SLC16A10: variants seen among roughly 807,000 people sequenced by gnomAD.
The protein encoded by SLC16A10 is solute carrier family 16 member 10, also known as monocarboxylate transporter 10.
Under a neutral mutation model 40.0 loss-of-function variants are expected in SLC16A10, and 27 were observed. That is an observed-to-expected ratio of 0.67 (90% CI 0.50 to 0.93). The LOEUF (loss-of-function observed/expected upper bound fraction) is 0.93, where lower values mean the gene tolerates loss of function less well. Ranked by LOEUF, SLC16A10 falls within the 40% of genes least tolerant of loss-of-function variation. The pLI is 0.00. For synonymous variants in SLC16A10, 213 were observed against 249.8 expected, an observed-to-expected ratio of 0.85 and a Z score of 1.39; for missense variants, 529 against 658.2, an observed-to-expected ratio of 0.80 and a Z score of 2.15.
chr6:111,144,756 A>T (rs891838894), intron 1 of SLC16A10, among the ~76,000 whole-genome samples: 1 of 152,260 alleles, frequency 6.6e-6, no homozygotes, highest in Non-Finnish European at 1.5e-5. Flanking sequence ...CCATATGTCA[A>T]GATTTCTTGT....
At chr6:111,194,728 T>C (rs1773052663) in intron 3 of SLC16A10, among the ~76,000 whole-genome samples, 1 of 152,224 alleles carries the variant, frequency 6.6e-6, no homozygotes, top group Non-Finnish European at 1.5e-5. Flanking sequence ...TTTTCTTTTA[T>C]ATGCTCCTTA....
At chr6:111,115,512 A>G (rs962448266) in intron 1 of SLC16A10, among the ~76,000 whole-genome samples, 1 of 152,220 alleles carries the variant, frequency 6.6e-6, no homozygotes, top group African/African-American at 2.4e-5. Flanking sequence ...CCCGGCCTGG[A>G]AAAAGTTTTT....
chr6:111,202,185 G>C (rs1773178671), intron 3 of SLC16A10, among the ~76,000 whole-genome samples: 2 of 152,208 alleles, frequency 1.3e-5, no homozygotes, highest in African/African-American at 2.4e-5. Context: ...GTCAGAAACA[G>C]TTACCCACGG....
At chr6:111,113,215 C>A (rs1424538704) in intron 1 of SLC16A10, among the ~76,000 whole-genome samples, 2 of 151,922 alleles carry the variant, frequency 1.3e-5, no homozygotes, top group Non-Finnish European at 1.5e-5. Context: ...TAGAGTATTG[C>A]CATTTTTTTC....
At position 111,132,055 on chromosome 6, in the gene SLC16A10, C is replaced by T. The variant is rs139906418; in HGVS notation, c.344-40640C>T. Among the ~76,000 whole-genome samples, 39 of 152,296 alleles carry T rather than the reference C, an allele frequency of 2.6e-4. No individual in the cohort carries two copies. In the East Asian group the frequency reaches 7.5e-3, roughly 29 times the overall value. ...TATGCTGTGTCCTTAAGCCCCTAGG[C>T]TCTGAACCCAGATAGTCTTGTCCCT... On this transcript the variant is annotated intron_variant, in intron 1 of 5. Transcript: ENST00000368851.
intron 1 of SLC16A10, 67 bp from the exon 2 acceptor site, chr6:111,172,628 C>A: frequency 1.9e-6 from 3 of 1,563,236 alleles, no homozygotes; most frequent in Non-Finnish European, 2.6e-6. Context: ...TGTATTATAT[C>A]AATGGAATAA....
chr6:111,089,213 A>G (rs954818483), intron 1 of SLC16A10, among the ~76,000 whole-genome samples: 1 of 152,176 alleles, frequency 6.6e-6, no homozygotes, highest in Non-Finnish European at 1.5e-5. Context: ...GACAAAGGTA[A>G]TGCTGGGTTA....
chr6:111,187,565 G>A (rs2114560715), intron 3 of SLC16A10, among the ~76,000 whole-genome samples: 1 of 152,290 alleles, frequency 6.6e-6, no homozygotes, highest in South Asian at 2.1e-4. Flanking sequence ...AAAAGTAGCA[G>A]AACTGGGTGT....
chr6:111,229,990 C>CTTTCTTT lies in SLC16A10; in HGVS notation c.*7758_*7759insCTTTTTT, dbSNP rs1554262686. The CTTTCTTT allele has an allele frequency of 2.3e-5, 2 of 85,382 alleles. No individual in the cohort carries two copies. The highest frequency in any genetic ancestry group is 4.0e-5 in the Non-Finnish European group (2 of 49,718). 5.3% of individuals were successfully genotyped at this position (85,382 alleles called of 1,614,324 possible). On this transcript the variant is annotated 3_prime_UTR_variant, in exon 6 of 6. Transcript: ENST00000368851. ...CAGGTTTCTTTTTCTTTCTTTGTTTCTTTTTTTTTTTTTTTTTTGAGATGG... is the reference window on the plus strand; with the variant it reads ...CAGGTTTCTTTTTCTTTCTTTGTTTCTTTCTTTTTTTTTTTTTTTTTTTTTGAGATGG...
intron 1 of SLC16A10, among the ~76,000 whole-genome samples, chr6:111,113,904 C>T (rs561602823): frequency 2.4e-4 from 36 of 152,220 alleles, no homozygotes; most frequent in African/African-American, 3.9e-4. Flanking sequence ...TCAGTGCCTG[C>T]GTGGCTGATA....
At chr6:111,149,687 T>C (rs139600770) in intron 1 of SLC16A10, among the ~76,000 whole-genome samples, 1 of 152,350 alleles carries the variant, frequency 6.6e-6, no homozygotes, top group Admixed American at 6.5e-5. Context: ...CTTTTAGCCA[T>C]TTCTTATGGT....
At chr6:111,211,365 A>G (rs2114587882) in intron 4 of SLC16A10, among the ~76,000 whole-genome samples, 1 of 152,346 alleles carries the variant, frequency 6.6e-6, no homozygotes, top group Non-Finnish European at 1.5e-5. Context: ...TTACAAAAGA[A>G]AATATAGCCT....
intron 1 of SLC16A10, among the ~76,000 whole-genome samples, chr6:111,112,875 A>G (rs1771414821): frequency 6.6e-6 from 1 of 152,200 alleles, no homozygotes; most frequent in Non-Finnish European, 1.5e-5. Flanking sequence ...TTGAGAGTTT[A>G]ATCTTCCAAT....
intron 3 of SLC16A10, among the ~76,000 whole-genome samples, chr6:111,188,277 C>CCCTCCCTT (rs1200181866): frequency 9.1e-5 from 13 of 142,914 alleles, no homozygotes; most frequent in Non-Finnish European, 1.7e-4. Context: ...CTCCCTCTCT[C>CCCTCCCTT]CCTCCCTTCC....
At chr6:111,113,927 A>G (rs1171405972) in intron 1 of SLC16A10, among the ~76,000 whole-genome samples, 4 of 152,124 alleles carry the variant, frequency 2.6e-5, no homozygotes, top group Non-Finnish European at 5.9e-5. Flanking sequence ...AGCAGCTTGC[A>G]TTTCTGACTG....
chr6:111,153,591 T>TGG, intron 1 of SLC16A10, among the ~76,000 whole-genome samples: 1 of 152,162 alleles, frequency 6.6e-6, no homozygotes, highest in East Asian at 1.9e-4. Context: ...TAAGGAGTGA[T>TGG]GGAGTGGACA....
At chr6:111,122,876 A>G (rs1008182391) in intron 1 of SLC16A10, among the ~76,000 whole-genome samples, 2 of 152,210 alleles carry the variant, frequency 1.3e-5, no homozygotes, top group African/African-American at 4.8e-5. Flanking sequence ...AGTTGCTGAC[A>G]GTCACTCATC....
chr6:111,143,450 T>A (rs747604149), intron 1 of SLC16A10, among the ~76,000 whole-genome samples: 5 of 152,116 alleles, frequency 3.3e-5, no homozygotes, highest in Non-Finnish European at 7.4e-5. Context: ...AGTGATGCAG[T>A]CATAGCTCAC....
intron 1 of SLC16A10, among the ~76,000 whole-genome samples, chr6:111,101,817 C>T (rs987132103): frequency 3.9e-5 from 6 of 152,058 alleles, no homozygotes; most frequent in Non-Finnish European, 7.4e-5. Context: ...GACAGGGTTT[C>T]GCCGTGTTGG....
Sources: gnomAD v4.1 joint callset for allele counts (sites outside exome capture counted in the v4.1 genomes callset) on GRCh38, gnomAD v4.1.1 for gene constraint, MANE v1.5 for transcripts, NCBI Gene and HGNC (gene_info 2026-07-23, HGNC 2026-07-21) for gene names.